Variants in DUSP29 observed in about 807,000 individuals in gnomAD.
DUSP29 encodes dual specificity phosphatase 29.
In DUSP29, 12 loss-of-function variants were observed where a neutral mutation model predicts 13.5. That is an observed-to-expected ratio of 0.89 (90% CI 0.57 to 1.44). The LOEUF (loss-of-function observed/expected upper bound fraction) is 1.44, where lower values mean the gene tolerates loss of function less well. DUSP29 is among the 40% of genes most tolerant of loss of function. The probability of loss-of-function intolerance (pLI) is 0.00; values close to 1 mark genes in which losing one functional copy is unlikely to be tolerated. For synonymous variants in DUSP29, 134 were observed against 128.7 expected (o/e 1.04, Z -0.28); for missense variants, 308 against 301.1 (o/e 1.02, Z -0.17).
Position 75,058,410 on chromosome 10 carries a change from G to T in DUSP29, c.105C>A (p.Thr35=), listed in dbSNP as rs1352763756. ...EEEGEEEDYC[T]PGAFELERLF... is the part of the protein sequence containing the mutation. ...GCCGCTCCAGCTCAAAGGCTCCAGG[G>T]GTGCAGTAGTCCTCCTCCTCCCCTT... Residue 35 remains threonine (T), a synonymous_variant, in exon 2 of 4, where the codon ACC becomes ACA. Coordinates refer to ENST00000338487, the MANE Select transcript of DUSP29 (RefSeq NM_001003892.3). The T allele has an allele frequency of 6.2e-7, 1 of 1,614,072 alleles. No individual in the cohort carries two copies. Among genetic ancestry groups the T allele is most frequent in the Non-Finnish European group, 8.5e-7 (1 of 1,180,036 alleles).
rs1564639593 is a variant in DUSP29, at chr10:75,043,986, T to TC, written c.231dup (p.Lys78GlufsTer65). The TC allele has an allele frequency of 1.2e-6, 2 of 1,612,446 alleles. No homozygotes were observed. The highest frequency in any genetic ancestry group is 1.7e-6 in the Non-Finnish European group (2 of 1,179,922). ...TTCAGCACGTGCGTGAACCCCGCCT[T>TC]CTGCAGCCTATAGCGGTCCAGCGCC... On this transcript the variant is annotated frameshift_variant, in exon 3 of 4. Coordinates refer to ENST00000338487, the MANE Select transcript of DUSP29 (RefSeq NM_001003892.3). LOFTEE classifies it high-confidence loss of function.
intron 2 of DUSP29, among the ~76,000 whole-genome samples, chr10:75,046,009 G>A (rs375136204): frequency 2.0e-5 from 3 of 152,196 alleles, no homozygotes; most frequent in African/African-American, 7.2e-5. Context: ...CCAGCTACTG[G>A]GGAGGCTGAA....
intron 2 of DUSP29, among the ~76,000 whole-genome samples, chr10:75,049,360 G>C (rs1309961025): frequency 6.6e-6 from 1 of 152,218 alleles, no homozygotes; most frequent in Non-Finnish European, 1.5e-5. Context: ...GAGTACCCAG[G>C]AGGTCTGGTT....
chr10:75,062,417 G>T (rs1847110210), intron 1 of DUSP29, among the ~76,000 whole-genome samples: 1 of 152,162 alleles, frequency 6.6e-6, no homozygotes, highest in Non-Finnish European at 1.5e-5. Flanking sequence ...CCTTGGTGAG[G>T]CCATTCTTCC....
rs546061360 is a variant in DUSP29 at position 75,062,254 on chromosome 10, C to T, written c.-34-3706G>A. ...TCTTCTTGTTCGAAGTGAGTAGAAG[C>T]TGGGCACCATACACCTAAAGGTGGT... On this transcript the variant is annotated intron_variant, in intron 1 of 3. Coordinates refer to ENST00000338487, the MANE Select transcript of DUSP29 (RefSeq NM_001003892.3). Among the ~76,000 whole-genome samples the T allele has an allele frequency of 2.6e-5, 4 of 152,338 alleles. No individual in the cohort carries two copies. In the South Asian group the frequency reaches 8.3e-4, roughly 32 times the overall value.
chr10:75,047,836 T>C (rs147802667), intron 2 of DUSP29, among the ~76,000 whole-genome samples: 513 of 152,358 alleles, frequency 3.4e-3, no homozygotes, highest in Non-Finnish European at 5.5e-3. Context: ...AGATAAAGGC[T>C]ATTGTTAGCT....
chr10:75,069,966 C>G (rs1246763319), intron 1 of DUSP29, among the ~76,000 whole-genome samples: 1 of 151,504 alleles, frequency 6.6e-6, no homozygotes, highest in Non-Finnish European at 1.5e-5. Context: ...ATGAGAATCA[C>G]TTGAACCCAG....
At chr10:75,055,886 T>C (rs1350361701) in intron 2 of DUSP29, among the ~76,000 whole-genome samples, 1 of 152,196 alleles carries the variant, frequency 6.6e-6, no homozygotes, top group East Asian at 1.9e-4. Flanking sequence ...AATAAAAGTA[T>C]ACAACAGTAT....
intron 2 of DUSP29, among the ~76,000 whole-genome samples, chr10:75,053,237 A>G (rs1435205653): frequency 6.6e-6 from 1 of 152,202 alleles, no homozygotes; most frequent in East Asian, 1.9e-4. Flanking sequence ...AAAGTGTACC[A>G]CATTCATCCC....
chr10:75,069,242 C>T lies in DUSP29; in HGVS notation c.-35+4327G>A, dbSNP rs557356774. 2.0e-5 allele frequency among the ~76,000 whole-genome samples: 3 copies of T among 152,284 alleles called. No homozygotes were observed. In the South Asian group the frequency reaches 6.2e-4, roughly 32 times the overall value. ...CGGAAGCCCTGAGGAGGCTGGAGGC[C>T]ACACTCAGCTTCCTTCTCAGACAAG... On this transcript the variant is annotated intron_variant, in intron 1 of 3. Coordinates refer to ENST00000338487, the MANE Select transcript of DUSP29 (RefSeq NM_001003892.3).
intron 3 of DUSP29, among the ~76,000 whole-genome samples, chr10:75,042,341 G>A (rs1846603632): frequency 6.6e-6 from 1 of 152,234 alleles, no homozygotes; most frequent in Non-Finnish European, 1.5e-5. Context: ...GCAAGTGAGT[G>A]CATTAAACAG....
At chr10:75,053,338 C>T (rs1166115877) in intron 2 of DUSP29, among the ~76,000 whole-genome samples, 1 of 152,206 alleles carries the variant, frequency 6.6e-6, no homozygotes, top group Non-Finnish European at 1.5e-5. Flanking sequence ...AAATCCTACC[C>T]ATCTTCAAAA....
At chr10:75,070,979 G>C (rs1372343515) in intron 1 of DUSP29, among the ~76,000 whole-genome samples, 1 of 152,230 alleles carries the variant, frequency 6.6e-6, no homozygotes, top group East Asian at 1.9e-4. Flanking sequence ...TGGAGTGGCT[G>C]TTTCCAGGCC....
chr10:75,048,050 A>C (rs534102688), intron 2 of DUSP29, among the ~76,000 whole-genome samples: 16 of 152,314 alleles, frequency 1.1e-4, no homozygotes, highest in South Asian at 6.2e-4. Context: ...TTTTCTTACC[A>C]AACATTTTGA....
chr10:75,071,174 C>T (rs1053143317), intron 1 of DUSP29, among the ~76,000 whole-genome samples: 1 of 152,250 alleles, frequency 6.6e-6, no homozygotes, highest in African/African-American at 2.4e-5. Flanking sequence ...GGGCAGAACA[C>T]TTAGTATTTG....
chr10:75,072,432 C>A (rs981903465), intron 1 of DUSP29, among the ~76,000 whole-genome samples: 3 of 152,126 alleles, frequency 2.0e-5, no homozygotes, highest in South Asian at 2.1e-4. Flanking sequence ...ACAAAGGAAC[C>A]TTTCCTGTTT....
At chr10:75,048,945 C>A (rs116626256) in intron 2 of DUSP29, among the ~76,000 whole-genome samples, 2,041 of 152,214 alleles carry the variant, frequency 0.013, 53 homozygotes, top group African/African-American at 0.047. Flanking sequence ...TAAATAGTAC[C>A]GATTACACTG....
At chr10:75,057,280 A>G (rs1846982223) in intron 2 of DUSP29, among the ~76,000 whole-genome samples, 1 of 151,316 alleles carries the variant, frequency 6.6e-6, no homozygotes, top group East Asian at 1.9e-4. Context: ...GACTGTCTCG[A>G]AAAAAAAAGA....
Position 75,056,502 on chromosome 10 carries a change from C to CA in DUSP29, c.200+1812dup, listed in dbSNP as rs530173844. On this transcript the variant is annotated intron_variant, in intron 2 of 3. Transcript: ENST00000338487. ...GAGATTGCGCCATTGAGGGACATCTCAAAAAAAAAAAAAAATTAGCTGGGC... is the reference window on the plus strand; with the variant it reads ...GAGATTGCGCCATTGAGGGACATCTCAAAAAAAAAAAAAAAATTAGCTGGGC... Among the ~76,000 whole-genome samples the CA allele has an allele frequency of 3.1e-3, 315 of 101,644 alleles. 1 individual carries two copies. Among genetic ancestry groups the CA allele is most frequent in the Middle Eastern group, 6.8e-3 (1 of 148 alleles). The allele number at this position is 101,644 out of a possible 152,430, so 66.7% of individuals were successfully genotyped here. A position where few individuals can be genotyped will look rare whatever the true frequency, so the allele number is the denominator to read the frequency against.
Sources: gnomAD v4.1 joint callset for allele counts (sites outside exome capture counted in the v4.1 genomes callset) on GRCh38, gnomAD v4.1.1 for gene constraint, MANE v1.5 for transcripts, NCBI Gene and HGNC (gene_info 2026-07-23, HGNC 2026-07-21) for gene names.